The following TTC7B variants were observed in gnomAD, a reference collection of about 807,000 sequenced individuals.
TTC7B encodes the protein tetratricopeptide repeat protein 7B.
Under a neutral mutation model 106.8 loss-of-function variants are expected in TTC7B, and 28 were observed. That is an observed-to-expected ratio of 0.26 (90% CI 0.19 to 0.36). The LOEUF is 0.36. TTC7B is among the 10% of genes least tolerant of loss of function. The probability of loss-of-function intolerance (pLI) is 1.00; values close to 1 mark genes in which losing one functional copy is unlikely to be tolerated. For missense variants in TTC7B, 862 were observed against 1,076.4 expected (o/e 0.80, Z 2.79); for synonymous variants, 405 against 430.6 (o/e 0.94, Z 0.74).
At chr14:90,739,410 T>C (rs549967072) in intron 4 of TTC7B, among the ~76,000 whole-genome samples, 6 of 152,164 alleles carry the variant, frequency 3.9e-5, no homozygotes, top group Non-Finnish European at 8.8e-5. Flanking sequence ...CAGCACTGAG[T>C]GCTTTTCCTA....
At chr14:90,795,407 T>C (rs1286338) in intron 1 of TTC7B, among the ~76,000 whole-genome samples, 134,046 of 152,230 alleles carry the variant, frequency 0.88, 60,085 homozygotes, top group Middle Eastern at 0.97. Context: ...CATGTGCCTA[T>C]GCACTCACCA....
Position 90,780,915 on chromosome 14 carries a change from A to T in TTC7B, c.277-9T>A. ...TCTTGTAGGAATTCTGACTAGAAGCAAAAGGAGAGAAAGAAAAGCATTTTC... is the reference window on the plus strand; with the variant it reads ...TCTTGTAGGAATTCTGACTAGAAGCTAAAGGAGAGAAAGAAAAGCATTTTC... On this transcript the variant is annotated splice_polypyrimidine_tract_variant and intron_variant, in intron 2 of 19. Transcript: ENST00000328459. 6.2e-7 allele frequency: 1 copy of T among 1,613,384 alleles called. No homozygotes were observed. The highest frequency in any genetic ancestry group is 8.5e-7 in the Non-Finnish European group (1 of 1,179,460).
intron 16 of TTC7B, among the ~76,000 whole-genome samples, chr14:90,612,062 T>G (rs930996783): frequency 1.3e-5 from 2 of 152,182 alleles, no homozygotes; most frequent in Non-Finnish European, 2.9e-5. Flanking sequence ...GGCATGAAAC[T>G]TAATACAGTT....
At chr14:90,668,003 T>C (rs1195637270) in intron 9 of TTC7B, among the ~76,000 whole-genome samples, 1 of 152,146 alleles carries the variant, frequency 6.6e-6, no homozygotes, top group East Asian at 1.9e-4. Context: ...TGTGGATTCA[T>C]AGTCAGTCTT....
intron 1 of TTC7B, among the ~76,000 whole-genome samples, chr14:90,800,996 T>C (rs2030230637): frequency 6.6e-6 from 1 of 151,858 alleles, no homozygotes; most frequent in South Asian, 2.1e-4. Context: ...GACCAGGCTA[T>C]ACGGTCCTTG....
At chr14:90,558,951 G>A (rs1270527289) in intron 19 of TTC7B, among the ~76,000 whole-genome samples, 2 of 152,240 alleles carry the variant, frequency 1.3e-5, no homozygotes, top group Non-Finnish European at 2.9e-5. Context: ...CCTGGAAACT[G>A]CATAGGGGCG....
intron 1 of TTC7B, among the ~76,000 whole-genome samples, chr14:90,792,441 G>A (rs1274065255): frequency 6.6e-6 from 1 of 152,136 alleles, no homozygotes; most frequent in Non-Finnish European, 1.5e-5. Context: ...GCCAGGCATG[G>A]TGGTGCACGC....
chr14:90,558,810 G>A (rs1368055059), intron 19 of TTC7B, among the ~76,000 whole-genome samples: 1 of 152,212 alleles, frequency 6.6e-6, no homozygotes, highest in Non-Finnish European at 1.5e-5. Flanking sequence ...CAGAAATGGG[G>A]ACCTTCACTC....
chr14:90,551,362 T>G (rs1890073443), intron 19 of TTC7B, among the ~76,000 whole-genome samples: 1 of 152,134 alleles, frequency 6.6e-6, no homozygotes, highest in African/African-American at 2.4e-5. Flanking sequence ...ATGTCCATGG[T>G]AGACCAGGCT....
chr14:90,582,940 C>T (rs1431988011), intron 18 of TTC7B, among the ~76,000 whole-genome samples: 2 of 152,242 alleles, frequency 1.3e-5, no homozygotes, highest in Non-Finnish European at 2.9e-5. Context: ...TCTCCCACCA[C>T]CCGTGAGATC....
intron 17 of TTC7B, chr14:90,605,562 A>G: frequency 8.0e-7 from 1 of 1,250,628 alleles, no homozygotes. Flanking sequence ...ACGCAAATGA[A>G]GTAGGTCTCA....
intron 15 of TTC7B, among the ~76,000 whole-genome samples, chr14:90,630,014 G>C (rs75653841): frequency 0.062 from 9,465 of 152,328 alleles, 323 homozygotes; most frequent in Middle Eastern, 0.099. Flanking sequence ...TGTGAAAATG[G>C]GGGGAGGGGT....
At chr14:90,594,718 T>G (rs1413978578) in intron 17 of TTC7B, among the ~76,000 whole-genome samples, 1 of 152,208 alleles carries the variant, frequency 6.6e-6, no homozygotes, top group African/African-American at 2.4e-5. Context: ...TAAATGCGAC[T>G]ACAAAATAAA....
intron 17 of TTC7B, chr14:90,603,382 G>A (rs1265803949): frequency 2.2e-5 from 22 of 1,014,066 alleles, no homozygotes; most frequent in East Asian, 6.1e-5. Flanking sequence ...CTAAAAAAGC[G>A]AACAGAGTTC....
intron 19 of TTC7B, among the ~76,000 whole-genome samples, chr14:90,563,547 G>A (rs1890673332): frequency 6.6e-6 from 1 of 152,182 alleles, no homozygotes; most frequent in African/African-American, 2.4e-5. Context: ...TGATCAGGGT[G>A]GTGGATGCTG....
chr14:90,662,098 C>A (rs1886231178), intron 9 of TTC7B, among the ~76,000 whole-genome samples: 1 of 152,226 alleles, frequency 6.6e-6, no homozygotes, highest in Non-Finnish European at 1.5e-5. Context: ...CCTTGTCATT[C>A]TGGCTGCCTG....
chr14:90,599,863 A>G (rs528658174), intron 17 of TTC7B, among the ~76,000 whole-genome samples: 9 of 152,350 alleles, frequency 5.9e-5, no homozygotes, highest in African/African-American at 2.2e-4. Flanking sequence ...GAACCTGAAT[A>G]TTAAGCAGCA....
rs556432647 is a variant in TTC7B at position 90,527,145 on chromosome 14, G to T, written c.*14223C>A. On this transcript the variant is annotated 3_prime_UTR_variant, in exon 20 of 20. Coordinates refer to ENST00000328459, the MANE Select transcript of TTC7B (RefSeq NM_001010854.2). ...GGGGGAAGAAGACCACAGAGATGAGGTGCCCTGCTCACCCCATCATATCTG... is the reference window on the plus strand; with the variant it reads ...GGGGGAAGAAGACCACAGAGATGAGTTGCCCTGCTCACCCCATCATATCTG... The T allele has an allele frequency of 6.6e-6, 1 of 152,054 alleles. No homozygotes were observed. The highest frequency in any genetic ancestry group is 2.4e-5 in the African/African-American group (1 of 41,410). 9.4% of individuals were successfully genotyped at this position (152,054 alleles called of 1,614,324 possible).
At chr14:90,732,771 T>G (rs1669168747) in intron 4 of TTC7B, among the ~76,000 whole-genome samples, 1 of 152,162 alleles carries the variant, frequency 6.6e-6, no homozygotes. Flanking sequence ...CATGAGCCAC[T>G]GCGCCCAGCT....
Sources: allele counts gnomAD v4.1 joint callset (sites outside exome capture counted in the v4.1 genomes callset), GRCh38; gene constraint gnomAD v4.1.1; transcripts MANE v1.5; gene names NCBI Gene and HGNC (gene_info 2026-07-23, HGNC 2026-07-21).